EBF1: variants seen among roughly 807,000 people sequenced by gnomAD.
The protein encoded by EBF1 is transcription factor COE1.
EBF1 carries 10 observed loss-of-function variants against 68.4 expected under a neutral mutation model. The observed-to-expected ratio is 0.15, with a 90% CI of 0.09 to 0.25. The LOEUF is 0.25. Ranked by LOEUF, EBF1 falls within the 10% of genes least tolerant of loss-of-function variation. The pLI is 1.00. For missense variants in EBF1, 509 were observed against 794.4 expected (o/e 0.64, Z 4.32); for synonymous variants, 298 against 299.8 (o/e 0.99, Z 0.06).
chr5:158,796,645 C>G (rs778451071), intron 8 of EBF1, among the ~76,000 whole-genome samples, 170 bp from the exon 9 acceptor site: 4 of 152,176 alleles, frequency 2.6e-5, no homozygotes, highest in Non-Finnish European at 5.9e-5. Context: ...CTTCAGGGTG[C>G]AACTTCAGTT....
chr5:159,062,784 T>C (rs1361600843), intron 6 of EBF1, among the ~76,000 whole-genome samples: 1 of 152,226 alleles, frequency 6.6e-6, no homozygotes, highest in Non-Finnish European at 1.5e-5. Flanking sequence ...CATTATCATG[T>C]GTAATACACA....
chr5:158,856,225 T>A (rs1384520243), intron 6 of EBF1, among the ~76,000 whole-genome samples: 3 of 152,034 alleles, frequency 2.0e-5, no homozygotes. Context: ...AGCCAAGAGG[T>A]GTCGTGAGAG....
At chr5:158,743,485 T>C (rs1304217322) in intron 10 of EBF1, among the ~76,000 whole-genome samples, 2 of 152,106 alleles carry the variant, frequency 1.3e-5, no homozygotes, top group Non-Finnish European at 2.9e-5. Context: ...ATTTTCCAGA[T>C]CGTAGGAGCA....
At chr5:159,043,135 C>A (rs1771587157) in intron 6 of EBF1, among the ~76,000 whole-genome samples, 1 of 152,172 alleles carries the variant, frequency 6.6e-6, no homozygotes, top group Admixed American at 6.6e-5. Context: ...CTCTATTTTG[C>A]AGACAAAAAC....
At chr5:158,837,582 A>G (rs1426654082) in intron 7 of EBF1, among the ~76,000 whole-genome samples, 1 of 152,260 alleles carries the variant, frequency 6.6e-6, no homozygotes, top group East Asian at 1.9e-4. Context: ...TACTAAACAA[A>G]GAATAACTAT....
At chr5:158,961,779 T>C (rs1482559027) in intron 6 of EBF1, among the ~76,000 whole-genome samples, 1 of 152,190 alleles carries the variant, frequency 6.6e-6, no homozygotes, top group Non-Finnish European at 1.5e-5. Context: ...TACCACTAAG[T>C]AAAACTCCGA....
intron 8 of EBF1, among the ~76,000 whole-genome samples, chr5:158,797,233 T>C (rs972264639): frequency 1.3e-5 from 2 of 152,212 alleles, no homozygotes; most frequent in African/African-American, 2.4e-5. Flanking sequence ...TGGGAAATAA[T>C]TTGCAAATAC....
At chr5:158,776,446 T>C (rs1396986297) in intron 10 of EBF1, among the ~76,000 whole-genome samples, 1 of 152,136 alleles carries the variant, frequency 6.6e-6, no homozygotes, top group Non-Finnish European at 1.5e-5. Flanking sequence ...AATTGTATGG[T>C]TATAATTACA....
chr5:158,778,923 TTC>T (rs1052784719), intron 9 of EBF1, among the ~76,000 whole-genome samples: 1 of 152,216 alleles, frequency 6.6e-6, no homozygotes, highest in Non-Finnish European at 1.5e-5. Flanking sequence ...TTGAAATTAT[TTC>T]TCTTTTATTC....
At chr5:159,067,520 T>C (rs1255039849) in intron 6 of EBF1, among the ~76,000 whole-genome samples, 1 of 152,218 alleles carries the variant, frequency 6.6e-6, no homozygotes, top group Non-Finnish European at 1.5e-5. Flanking sequence ...TTATGATACA[T>C]TGTCAGCGTA....
chr5:158,807,320 T>C (rs1781769258), intron 8 of EBF1, among the ~76,000 whole-genome samples: 2 of 152,026 alleles, frequency 1.3e-5, no homozygotes, highest in South Asian at 4.1e-4. Context: ...TGCAATGGGA[T>C]TGGTGGGGAT....
At chr5:158,888,271 C>A (rs148336849) in intron 6 of EBF1, among the ~76,000 whole-genome samples, 3 of 150,578 alleles carry the variant, frequency 2.0e-5, no homozygotes, top group African/African-American at 4.9e-5. Flanking sequence ...TGTGTGTGTG[C>A]GTGCGTGTGT....
At chr5:158,940,760 A>ACCCCCCCCCCCCCCCCCC (rs1561573632) in intron 6 of EBF1, among the ~76,000 whole-genome samples, 2 of 7,030 alleles carry the variant, frequency 2.8e-4, no homozygotes, top group Non-Finnish European at 5.8e-4. Flanking sequence ...CCTTCACCCC[A>ACCCCCCCCCCCCCCCCCC]CCGCCCCCCC....
chr5:158,927,505 A>G (rs1442461595), intron 6 of EBF1, among the ~76,000 whole-genome samples: 1 of 152,152 alleles, frequency 6.6e-6, no homozygotes, highest in Admixed American at 6.5e-5. Flanking sequence ...ACAGCTTATC[A>G]TTTTCCAAGT....
chr5:158,958,986 C>G (rs187282539), intron 6 of EBF1, among the ~76,000 whole-genome samples: 12 of 152,196 alleles, frequency 7.9e-5, no homozygotes, highest in Admixed American at 6.5e-4. Context: ...TCATCTTGAA[C>G]TGGCTACTTA....
At position 158,697,428 on chromosome 5, in the gene EBF1, A is replaced by G. The variant is rs1259832256; in HGVS notation, c.*1683T>C. ...ATGAAATGTTTAAAAATCACATTGAAACAGCTAATACAAGTGTAGGTGACC... is the reference window on the plus strand; with the variant it reads ...ATGAAATGTTTAAAAATCACATTGAGACAGCTAATACAAGTGTAGGTGACC... On this transcript the variant is annotated 3_prime_UTR_variant, in exon 16 of 16. Transcript: ENST00000313708. 1 of 208,972 alleles carries G rather than the reference A, an allele frequency of 4.8e-6. No homozygotes were observed. The highest frequency in any genetic ancestry group is 7.3e-5 in the East Asian group (1 of 13,782). The allele number at this position is 208,972 out of a possible 1,614,324, so 12.9% of individuals were successfully genotyped here. A position where few individuals can be genotyped will look rare whatever the true frequency, so the allele number is the denominator to read the frequency against.
intron 9 of EBF1, among the ~76,000 whole-genome samples, chr5:158,792,196 G>A (rs1778762541): frequency 6.6e-6 from 1 of 152,150 alleles, no homozygotes; most frequent in Non-Finnish European, 1.5e-5. Flanking sequence ...ACAGGGCAAG[G>A]AGCACAAGAA....
chr5:158,842,685 G>A (rs1315182152), intron 6 of EBF1, among the ~76,000 whole-genome samples: 1 of 152,234 alleles, frequency 6.6e-6, no homozygotes, highest in Non-Finnish European at 1.5e-5. Flanking sequence ...TGGTAGGTAT[G>A]CTGATGGTGG....
intron 6 of EBF1, among the ~76,000 whole-genome samples, chr5:158,967,667 G>A (rs1432960115): frequency 1.2e-4 from 19 of 152,192 alleles, no homozygotes; most frequent in Admixed American, 1.2e-3. Context: ...ACTGCGTGAG[G>A]TGGTTTTGGG....
Sources: allele counts gnomAD v4.1 joint callset (sites outside exome capture counted in the v4.1 genomes callset), GRCh38; gene constraint gnomAD v4.1.1; transcripts MANE v1.5; gene names NCBI Gene and HGNC (gene_info 2026-07-23, HGNC 2026-07-21).